The following PHIP variants were observed in gnomAD, a reference collection of about 807,000 sequenced individuals.
PHIP encodes the protein PHIP subunit of CUL4-Ring ligase complex.
In PHIP, 54 loss-of-function variants were observed where a neutral mutation model predicts 236.8. The ratio of observed to expected loss-of-function variants is 0.23; its 90% CI spans 0.18 to 0.29. PHIP has a LOEUF of 0.29. Among genes scored for constraint, PHIP ranks in the 10% least tolerant of loss-of-function variants. The pLI is 1.00. For missense variants in PHIP, 1,370 were observed against 2,190.8 expected, an observed-to-expected ratio of 0.63 and a Z score of 7.48; for synonymous variants, 756 against 718.9, an observed-to-expected ratio of 1.05 and a Z score of -0.83.
intron 4 of PHIP, among the ~76,000 whole-genome samples, chr6:79,061,823 C>T (rs1025945421): frequency 1.3e-5 from 2 of 152,032 alleles, no homozygotes; most frequent in Non-Finnish European, 2.9e-5. Context: ...ACATGAATTC[C>T]TTTTGATAAG....
At chr6:78,952,230 C>A (rs1774201057) in intron 35 of PHIP, among the ~76,000 whole-genome samples, 1 of 151,922 alleles carries the variant, frequency 6.6e-6, no homozygotes, top group African/African-American at 2.4e-5. Context: ...ACCATCCTGG[C>A]CAACATGGTG....
intron 4 of PHIP, among the ~76,000 whole-genome samples, chr6:79,063,575 C>G (rs1369009705): frequency 6.6e-6 from 1 of 152,068 alleles, no homozygotes; most frequent in Non-Finnish European, 1.5e-5. Context: ...CACCACCTAA[C>G]CTGGCTAATT....
At chr6:78,964,412 A>G (rs920610986) in intron 29 of PHIP, among the ~76,000 whole-genome samples, 2 of 152,144 alleles carry the variant, frequency 1.3e-5, no homozygotes, top group Admixed American at 1.3e-4. Flanking sequence ...ATAAAAGATT[A>G]TTTCTACTAT....
At chr6:79,036,921 CAAAAAAA>C (rs34875528) in intron 7 of PHIP, among the ~76,000 whole-genome samples, 6 of 38,964 alleles carry the variant, frequency 1.5e-4, no homozygotes, top group Middle Eastern at 0.045. Context: ...GACTCCGTCT[CAAAAAAA>C]AAAAAAAAAA....
intron 31 of PHIP, among the ~76,000 whole-genome samples, chr6:78,960,496 A>G (rs1766704930): frequency 6.6e-6 from 1 of 151,910 alleles, no homozygotes; most frequent in South Asian, 2.1e-4. Flanking sequence ...TGATATTGAA[A>G]AAGACTTGAA....
intron 7 of PHIP, among the ~76,000 whole-genome samples, chr6:79,033,606 G>T (rs1450564656): frequency 6.6e-6 from 1 of 152,144 alleles, no homozygotes; most frequent in Non-Finnish European, 1.5e-5. Flanking sequence ...AAGAGTCAGG[G>T]TCTTGCTTTG....
In PHIP at chr6:78,937,584, C is replaced by T. The variant is rs1773322427; in HGVS notation, c.*3109G>A. On this transcript the variant is annotated 3_prime_UTR_variant, in exon 40 of 40. Coordinates refer to ENST00000275034, the MANE Select transcript of PHIP (RefSeq NM_017934.7). Reference sequence around the variant, plus strand: ...ATCCAGCTCACAAATATTCCACATACTTATTTACTTGGATTGGAGGAAGAC... The same window carrying T: ...ATCCAGCTCACAAATATTCCACATATTTATTTACTTGGATTGGAGGAAGAC... The T allele has an allele frequency of 1.3e-5, 2 of 151,706 alleles. No homozygotes were observed. Among genetic ancestry groups the T allele is most frequent in the Admixed American group, 6.6e-5 (1 of 15,252 alleles). 9.4% of individuals were successfully genotyped at this position (151,706 alleles called of 1,614,324 possible). A position where few individuals can be genotyped will look rare whatever the true frequency, so the allele number is the denominator to read the frequency against.
rs1766335758 is a variant in PHIP, at chr6:78,955,212, T to G, written c.3903+20A>C. 4 of 1,559,132 alleles carry G rather than the reference T, an allele frequency of 2.6e-6. No homozygotes were observed. Among genetic ancestry groups the G allele is most frequent in the Non-Finnish European group, 3.5e-6 (4 of 1,136,988 alleles). Reference sequence around the variant, plus strand: ...TTTAATTCATATAAAGTACTTCTGCTAAAACTAAAACTATATTACCTTCCT... The same window carrying G: ...TTTAATTCATATAAAGTACTTCTGCGAAAACTAAAACTATATTACCTTCCT... On this transcript the variant is annotated intron_variant, in intron 34 of 39. Coordinates refer to ENST00000275034, the MANE Select transcript of PHIP (RefSeq NM_017934.7).
intron 9 of PHIP, 35 bp downstream of exon 9, chr6:79,025,484 A>G (rs1170244875): frequency 8.0e-7 from 1 of 1,253,406 alleles, no homozygotes; most frequent in Non-Finnish European, 1.2e-6. Context: ...ATTAAACTAA[A>G]CACATTTAAT....
At position 78,935,652 on chromosome 6, in the gene PHIP, A is replaced by C. The variant is rs1208000003; in HGVS notation, c.*5041T>G. ...TTGACCTTCAGTTGTTTTGGAATTA[A>C]ATTACATTTCGGCACCCAAATATCT... is the stretch of plus-strand genomic sequence containing the variant. On this transcript the variant is annotated 3_prime_UTR_variant, in exon 40 of 40. Coordinates refer to ENST00000275034, the MANE Select transcript of PHIP (RefSeq NM_017934.7). The C allele has an allele frequency of 1.0e-6, 1 of 983,668 alleles. No homozygotes were observed. The highest frequency in any genetic ancestry group is 1.2e-6 in the Non-Finnish European group (1 of 828,450). The allele number at this position is 983,668 out of a possible 1,614,324, so 60.9% of individuals were successfully genotyped here.
chr6:78,976,658 T>A (rs1160206535), intron 24 of PHIP, among the ~76,000 whole-genome samples: 3 of 146,028 alleles, frequency 2.1e-5, no homozygotes, highest in African/African-American at 7.6e-5. Context: ...GAATCTACAA[T>A]GAACTCAAAC....
intron 19 of PHIP, among the ~76,000 whole-genome samples, chr6:78,991,978 T>C (rs920174958): frequency 1.3e-5 from 2 of 151,592 alleles, no homozygotes; most frequent in African/African-American, 4.8e-5. Flanking sequence ...TTTTTTTTTT[T>C]TTTGAGATGG....
chr6:79,030,925 TTTC>T lies in PHIP; in HGVS notation c.601-4764_601-4762del, dbSNP rs551922103. On this transcript the variant is annotated intron_variant, in intron 7 of 39. Coordinates refer to ENST00000275034, the MANE Select transcript of PHIP (RefSeq NM_017934.7). ...TAGTAAATCACTTGTTTCATTTTTCTTTCTTGTTTTTTTTTGTTTGTTTGTTTG... is the reference window on the plus strand; with the variant it reads ...TAGTAAATCACTTGTTTCATTTTTCTTTGTTTTTTTTTGTTTGTTTGTTTG... Among the ~76,000 whole-genome samples, 486 of 151,536 alleles carry T rather than the reference TTTC, an allele frequency of 3.2e-3. 3 individuals are homozygous for T. The highest frequency in any genetic ancestry group is 0.011 in the African/African-American group (446 of 40,894).
At chr6:78,958,317 A>G in intron 32 of PHIP, 158 bp downstream of exon 32, 1 of 493,478 alleles carries the variant, frequency 2.0e-6, no homozygotes, top group Non-Finnish European at 3.6e-6. Context: ...ATCAAACCAG[A>G]GACCTTTAGA....
intron 6 of PHIP, among the ~76,000 whole-genome samples, chr6:79,052,275 G>A (rs193122467): frequency 2.4e-4 from 36 of 152,302 alleles, no homozygotes; most frequent in Middle Eastern, 6.8e-3. Context: ...TGATGTGAGC[G>A]CAGCATATTC....
chr6:79,005,012 C>CTTT (rs1277415416), intron 15 of PHIP, among the ~76,000 whole-genome samples: 3 of 152,100 alleles, frequency 2.0e-5, no homozygotes, highest in African/African-American at 7.2e-5. Context: ...AGAAAGCTAG[C>CTTT]TTTTTCCTTT....
intron 24 of PHIP, among the ~76,000 whole-genome samples, chr6:78,975,970 A>G (rs1208553971): frequency 6.6e-6 from 1 of 151,690 alleles, no homozygotes; most frequent in East Asian, 1.9e-4. Context: ...TACAGATTCA[A>G]TGCCATCCCC....
At chr6:78,982,014 C>G (rs1768570975) in intron 23 of PHIP, among the ~76,000 whole-genome samples, 1 of 151,936 alleles carries the variant, frequency 6.6e-6, no homozygotes, top group African/African-American at 2.4e-5. Flanking sequence ...TATTCTTATA[C>G]TTTTTGAAAG....
intron 31 of PHIP, among the ~76,000 whole-genome samples, chr6:78,960,743 C>G (rs1028952472): frequency 1.1e-4 from 17 of 152,024 alleles, no homozygotes; most frequent in African/African-American, 3.4e-4. Context: ...TTGGTTTTCA[C>G]AACTAGGGGG....
Sources: allele counts gnomAD v4.1 joint callset (sites outside exome capture counted in the v4.1 genomes callset), GRCh38; gene constraint gnomAD v4.1.1; transcripts MANE v1.5; gene names NCBI Gene and HGNC (gene_info 2026-07-23, HGNC 2026-07-21).